Variants in TFDP2 observed in about 807,000 individuals in gnomAD.
The protein encoded by TFDP2 is transcription factor Dp-2, also known as transcription factor Dp-2 (E2F dimerization partner 2).
In TFDP2, 17 loss-of-function variants were observed where a neutral mutation model predicts 59.3. That is an observed-to-expected ratio of 0.29 (90% CI 0.20 to 0.43). The LOEUF (loss-of-function observed/expected upper bound fraction) is 0.43. TFDP2 is among the 20% of genes least tolerant of loss of function. The probability of loss-of-function intolerance (pLI) is 1.00; values close to 1 mark genes in which losing one functional copy is unlikely to be tolerated. For synonymous variants in TFDP2, 180 were observed against 194.7 expected (o/e 0.92, Z 0.63); for missense variants, 391 against 528.8 (o/e 0.74, Z 2.56).
chr3:142,100,554 G>A (rs2061289363), intron 2 of TFDP2, among the ~76,000 whole-genome samples: 1 of 152,008 alleles, frequency 6.6e-6, no homozygotes, highest in African/African-American at 2.4e-5. Context: ...TGTATTTTTA[G>A]TAGAGACGGG....
chr3:141,989,118 G>A (rs904820072), intron 6 of TFDP2: 2 of 152,044 alleles, frequency 1.3e-5, no homozygotes, highest in South Asian at 4.1e-4. Context: ...ATCCTCTTGG[G>A]TCATAACTTT....
chr3:141,968,433 GATATATATAACATATATATCTCATATAT>G (rs1938617488), intron 9 of TFDP2, among the ~76,000 whole-genome samples: 1 of 63,388 alleles, frequency 1.6e-5, no homozygotes, highest in African/African-American at 6.4e-5. Context: ...CTCATATATA[GATATATATAACATATATATCTCATATAT>G]AGATATATAT....
intron 3 of TFDP2, among the ~76,000 whole-genome samples, chr3:142,067,394 G>C (rs570026143): frequency 7.2e-4 from 109 of 150,768 alleles, no homozygotes; most frequent in African/African-American, 2.5e-3. Context: ...GAAATACTTA[G>C]GTATAAATCC....
chr3:142,100,608 G>A (rs954051193), intron 2 of TFDP2, among the ~76,000 whole-genome samples: 4 of 152,064 alleles, frequency 2.6e-5, no homozygotes, highest in African/African-American at 9.7e-5. Context: ...CCTGACCTCA[G>A]GTGATCTGCC....
chr3:141,974,678 T>C (rs1006169101), intron 7 of TFDP2, among the ~76,000 whole-genome samples: 1 of 152,058 alleles, frequency 6.6e-6, no homozygotes, highest in Non-Finnish European at 1.5e-5. Flanking sequence ...GTATTGGAGG[T>C]AAAGTGTTCT....
intron 3 of TFDP2, among the ~76,000 whole-genome samples, chr3:142,021,497 TA>T (rs1945601108): frequency 6.6e-6 from 1 of 152,216 alleles, no homozygotes; most frequent in Admixed American, 6.5e-5. Flanking sequence ...TCTATGGTCA[TA>T]TTTCTAAATG....
chr3:142,070,206 C>T (rs1242572747), intron 3 of TFDP2, among the ~76,000 whole-genome samples: 1 of 152,158 alleles, frequency 6.6e-6, no homozygotes, highest in African/African-American at 2.4e-5. Flanking sequence ...CGCACCTGGC[C>T]CAAACTTCTT....
At chr3:142,102,579 T>C (rs2108649465) in intron 1 of TFDP2, among the ~76,000 whole-genome samples, 1 of 152,314 alleles carries the variant, frequency 6.6e-6, no homozygotes, top group East Asian at 1.9e-4. Context: ...AACTAGTCAG[T>C]GAAAATATGG....
intron 1 of TFDP2, among the ~76,000 whole-genome samples, chr3:142,124,583 T>C (rs1029619804): frequency 6.6e-6 from 1 of 152,150 alleles, no homozygotes; most frequent in Non-Finnish European, 1.5e-5. Context: ...CCCATAGAAT[T>C]CAACGTAATT....
rs1378425320 is a variant in TFDP2 at position 141,946,713 on chromosome 3, AT to A, written c.*5799del. On this transcript the variant is annotated 3_prime_UTR_variant, in exon 13 of 13. Coordinates refer to ENST00000489671, the MANE Select transcript of TFDP2 (RefSeq NM_001178139.2). ...GAGAAACGTTATAATTTATGTGGGT[AT>A]TGAGCTTGAATTTTTTTTAATCATA... 1 of 152,132 alleles carries A rather than the reference AT, an allele frequency of 6.6e-6. No homozygotes were observed. Among genetic ancestry groups the A allele is most frequent in the East Asian group, 1.9e-4 (1 of 5,190 alleles). 9.4% of individuals were successfully genotyped at this position (152,132 alleles called of 1,614,324 possible).
At chr3:142,018,223 C>T (rs1295782329) in intron 3 of TFDP2, among the ~76,000 whole-genome samples, 6 of 152,046 alleles carry the variant, frequency 3.9e-5, no homozygotes, top group Admixed American at 1.3e-4. Flanking sequence ...GGATTACAGG[C>T]GTCAGCCACC....
At chr3:141,967,374 C>T (rs1344767769) in intron 9 of TFDP2, among the ~76,000 whole-genome samples, 1 of 150,752 alleles carries the variant, frequency 6.6e-6, no homozygotes, top group Admixed American at 6.6e-5. Flanking sequence ...CTCACTGCAA[C>T]CTCTGCCTCC....
intron 3 of TFDP2, among the ~76,000 whole-genome samples, chr3:142,056,089 G>T (rs1411249808): frequency 6.6e-6 from 1 of 151,220 alleles, no homozygotes. Flanking sequence ...GAGTAGCTGG[G>T]ATTACAGGTA....
intron 1 of TFDP2, among the ~76,000 whole-genome samples, chr3:142,124,577 T>C (rs969954798): frequency 1.3e-5 from 2 of 152,124 alleles, no homozygotes; most frequent in Admixed American, 6.5e-5. Flanking sequence ...AGATAGCCCA[T>C]AGAATTCAAC....
intron 3 of TFDP2, among the ~76,000 whole-genome samples, chr3:142,022,629 C>T (rs891044360): frequency 6.6e-6 from 1 of 152,094 alleles, no homozygotes; most frequent in Non-Finnish European, 1.5e-5. Flanking sequence ...CTGAGTGCAA[C>T]CACAAGGATC....
In TFDP2 at chr3:141,949,197, A is replaced by G. The variant is rs909608508; in HGVS notation, c.*3316T>C. The G allele has an allele frequency of 2.6e-5, 4 of 152,068 alleles. No homozygotes were observed. The highest frequency in any genetic ancestry group is 9.7e-5 in the African/African-American group (4 of 41,418). 9.4% of individuals were successfully genotyped at this position (152,068 alleles called of 1,614,324 possible). On this transcript the variant is annotated 3_prime_UTR_variant, in exon 13 of 13. Coordinates refer to ENST00000489671, the MANE Select transcript of TFDP2 (RefSeq NM_001178139.2). ...GCAGAGTACTGTTAACAACTGTAAA[A>G]TTTGCTAATGGAAGGAGTTATCCTC...
chr3:142,109,595 T>C (rs1368944618), intron 1 of TFDP2, among the ~76,000 whole-genome samples: 2 of 152,200 alleles, frequency 1.3e-5, no homozygotes, highest in African/African-American at 4.8e-5. Flanking sequence ...CCCAAAGTGC[T>C]GGGATTACAG....
At chr3:142,097,025 C>T (rs1190454513) in intron 2 of TFDP2, among the ~76,000 whole-genome samples, 1 of 152,100 alleles carries the variant, frequency 6.6e-6, no homozygotes, top group African/African-American at 2.4e-5. Context: ...AGACCATATG[C>T]AAAAGAGAAA....
At chr3:142,086,393 C>A (rs778735574) in intron 3 of TFDP2, among the ~76,000 whole-genome samples, 70 of 152,288 alleles carry the variant, frequency 4.6e-4, no homozygotes, top group Admixed American at 4.0e-3. Context: ...CAGGTTGTAA[C>A]CTCTGCTTCT....
Sources: gnomAD v4.1 joint callset for allele counts (sites outside exome capture counted in the v4.1 genomes callset) on GRCh38, gnomAD v4.1.1 for gene constraint, MANE v1.5 for transcripts, NCBI Gene and HGNC (gene_info 2026-07-23, HGNC 2026-07-21) for gene names.